The following PHKB variants were observed in gnomAD, a reference collection of about 807,000 sequenced individuals.
The protein encoded by PHKB is phosphorylase kinase regulatory subunit beta.
In PHKB, 122 loss-of-function variants were observed where a neutral mutation model predicts 152.1. The observed-to-expected ratio is 0.80, with a 90% CI of 0.69 to 0.93. The LOEUF is 0.93. PHKB is among the 40% of genes least tolerant of loss of function. The pLI, the probability that PHKB is intolerant of heterozygous loss-of-function variation, is 0.00. For synonymous variants in PHKB, 436 were observed against 464.9 expected, an observed-to-expected ratio of 0.94 and a Z score of 0.80; for missense variants, 1,304 against 1,328.4, an observed-to-expected ratio of 0.98 and a Z score of 0.29.
intron 7 of PHKB, among the ~76,000 whole-genome samples, chr16:47,575,982 A>T (rs1971742132): frequency 6.6e-6 from 1 of 152,164 alleles, no homozygotes; most frequent in Non-Finnish European, 1.5e-5. Flanking sequence ...AGGCTGAGGC[A>T]GGAGAATCAC....
chr16:47,539,222 C>G (rs956413629), intron 6 of PHKB, among the ~76,000 whole-genome samples: 27 of 152,306 alleles, frequency 1.8e-4, no homozygotes, highest in Middle Eastern at 3.4e-3. Flanking sequence ...GAGCCCACTT[C>G]CACCTGTGAG....
At chr16:47,582,694 A>G (rs533616288) in intron 8 of PHKB, among the ~76,000 whole-genome samples, 1 of 152,344 alleles carries the variant, frequency 6.6e-6, no homozygotes, top group Non-Finnish European at 1.5e-5. Flanking sequence ...GGCCTTGTTC[A>G]GGTCACGTCT....
At chr16:47,557,935 A>G (rs562364371) in intron 7 of PHKB, among the ~76,000 whole-genome samples, 11 of 152,240 alleles carry the variant, frequency 7.2e-5, no homozygotes, top group Middle Eastern at 6.8e-3. Flanking sequence ...ACATGCACAC[A>G]TATGTTTATT....
chr16:47,645,123 A>G (rs1973092180), intron 16 of PHKB, among the ~76,000 whole-genome samples: 1 of 152,150 alleles, frequency 6.6e-6, no homozygotes, highest in Non-Finnish European at 1.5e-5. Flanking sequence ...ACCCTTTGTC[A>G]GATGAGTAGG....
intron 6 of PHKB, among the ~76,000 whole-genome samples, chr16:47,541,981 G>C (rs936367171): frequency 3.3e-5 from 5 of 152,104 alleles, no homozygotes; most frequent in African/African-American, 1.2e-4. Flanking sequence ...CTTTTGCTGT[G>C]CAGAAGCTCT....
At chr16:47,673,835 CT>C (rs748431000) in intron 26 of PHKB, among the ~76,000 whole-genome samples, 11 of 152,126 alleles carry the variant, frequency 7.2e-5, no homozygotes, top group Non-Finnish European at 1.3e-4. Flanking sequence ...CCTACAACAA[CT>C]TTGAAGTAGG....
chr16:47,694,580 TA>T (rs1308923287), intron 28 of PHKB, among the ~76,000 whole-genome samples: 8 of 152,090 alleles, frequency 5.3e-5, no homozygotes, highest in South Asian at 2.1e-4. Context: ...TATTACTTAT[TA>T]AAAAAAATGC....
chr16:47,462,609 G>A (rs1439378114), intron 1 of PHKB: 1 of 151,940 alleles, frequency 6.6e-6, no homozygotes, highest in Non-Finnish European at 1.5e-5. Context: ...ACTCCAGCGT[G>A]GGCGACAGAG....
intron 26 of PHKB, among the ~76,000 whole-genome samples, chr16:47,682,637 C>T (rs1021939593): frequency 3.3e-5 from 5 of 152,166 alleles, no homozygotes; most frequent in East Asian, 1.9e-4. Context: ...GACTTCTCTG[C>T]GTTGGTTATT....
intron 1 of PHKB, among the ~76,000 whole-genome samples, chr16:47,468,616 G>A (rs1407638681): frequency 2.0e-5 from 3 of 152,228 alleles, no homozygotes. Context: ...TCGTGCCATT[G>A]CACTCCAGCC....
chr16:47,555,246 A>G (rs765671525), intron 7 of PHKB, among the ~76,000 whole-genome samples: 7 of 152,208 alleles, frequency 4.6e-5, no homozygotes, highest in Non-Finnish European at 7.3e-5. Context: ...TATCTTTGCC[A>G]TACTGAACAA....
At chr16:47,652,765 C>T (rs942892167) in intron 20 of PHKB, among the ~76,000 whole-genome samples, 6 of 152,114 alleles carry the variant, frequency 3.9e-5, no homozygotes, top group Non-Finnish European at 1.5e-5. Context: ...ACCTCAGCCT[C>T]CCAAGTAGCT....
At chr16:47,492,542 GGC>G (rs1970166994) in intron 1 of PHKB, among the ~76,000 whole-genome samples, 1 of 152,220 alleles carries the variant, frequency 6.6e-6, no homozygotes, top group Non-Finnish European at 1.5e-5. Flanking sequence ...GGGACCTTCT[GGC>G]TGGGGGAGCG....
At chr16:47,587,902 C>T (rs1971962055) in intron 9 of PHKB, 139 bp downstream of exon 9, 1 of 720,640 alleles carries the variant, frequency 1.4e-6, no homozygotes. Context: ...AGATATTGCC[C>T]CTTACTCCTC....
intron 5 of PHKB, among the ~76,000 whole-genome samples, chr16:47,513,474 G>A (rs949525317): frequency 3.3e-5 from 5 of 152,116 alleles, no homozygotes; most frequent in African/African-American, 1.2e-4. Context: ...TTCCTGTGTG[G>A]CCCACTTGGA....
chr16:47,680,748 G>GT (rs1313628083), intron 26 of PHKB, among the ~76,000 whole-genome samples: 2 of 152,066 alleles, frequency 1.3e-5, no homozygotes, highest in Non-Finnish European at 2.9e-5. Flanking sequence ...TTTTTGAAGG[G>GT]TTTTTTGTGT....
intron 5 of PHKB, among the ~76,000 whole-genome samples, chr16:47,512,151 G>A (rs542232219): frequency 1.3e-5 from 2 of 152,178 alleles, no homozygotes; most frequent in East Asian, 1.9e-4. Flanking sequence ...CAGGGGTGGG[G>A]GAGCCCTGTC....
chr16:47,524,638 G>A (rs1328087219), intron 6 of PHKB, among the ~76,000 whole-genome samples: 1 of 152,142 alleles, frequency 6.6e-6, no homozygotes, highest in African/African-American at 2.4e-5. Context: ...GAGTGGTGGT[G>A]CGTGCCTTTT....
At chr16:47,574,749 A>C (rs1040380445) in intron 7 of PHKB, among the ~76,000 whole-genome samples, 7 of 152,184 alleles carry the variant, frequency 4.6e-5, no homozygotes, top group African/African-American at 1.7e-4. Context: ...AATGACACCA[A>C]GCCATTCATG....
Sources: gnomAD v4.1 joint callset for allele counts (sites outside exome capture counted in the v4.1 genomes callset) on GRCh38, gnomAD v4.1.1 for gene constraint, MANE v1.5 for transcripts, NCBI Gene and HGNC (gene_info 2026-07-23, HGNC 2026-07-21) for gene names.